Variants in PARVA observed in about 807,000 individuals in gnomAD.
PARVA encodes alpha-parvin.
A neutral mutation model predicts 52.6 loss-of-function variants in PARVA; 25 were observed. The ratio of observed to expected loss-of-function variants is 0.48; its 90% CI spans 0.35 to 0.66. The LOEUF is 0.66. Ranked by LOEUF, PARVA falls within the 30% of genes least tolerant of loss-of-function variation. The probability of loss-of-function intolerance (pLI) is 0.01; values close to 1 mark genes in which losing one functional copy is unlikely to be tolerated. For missense variants in PARVA, 373 were observed against 450.9 expected, an observed-to-expected ratio of 0.83 and a Z score of 1.56; for synonymous variants, 185 against 179.1, an observed-to-expected ratio of 1.03 and a Z score of -0.26.
intron 1 of PARVA, among the ~76,000 whole-genome samples, chr11:12,441,075 A>G (rs528944264): frequency 1.3e-5 from 2 of 152,284 alleles, no homozygotes; most frequent in Non-Finnish European, 2.9e-5. Context: ...ATTTTTAAAC[A>G]ATCTCCTTTA....
At chr11:12,407,876 T>A (rs1224564523) in intron 1 of PARVA, among the ~76,000 whole-genome samples, 1 of 152,202 alleles carries the variant, frequency 6.6e-6, no homozygotes, top group Non-Finnish European at 1.5e-5. Flanking sequence ...TGCCATCTGA[T>A]CCATCCTGCC....
chr11:12,516,479 T>C (rs898803341), intron 10 of PARVA, among the ~76,000 whole-genome samples: 2 of 151,942 alleles, frequency 1.3e-5, no homozygotes, highest in African/African-American at 4.8e-5. Context: ...GTATGCTCAC[T>C]TCACCCAGCC....
At chr11:12,499,441 T>A (rs1279509514) in intron 5 of PARVA, among the ~76,000 whole-genome samples, 1 of 152,056 alleles carries the variant, frequency 6.6e-6, no homozygotes, top group Admixed American at 6.5e-5. Context: ...TTCTTCCTTT[T>A]TTTTTTTTTC....
At chr11:12,511,414 G>A in intron 7 of PARVA, 100 bp from the exon 8 acceptor site, 1 of 1,281,630 alleles carries the variant, frequency 7.8e-7, no homozygotes, top group East Asian at 2.4e-5. Context: ...AGGCAGCATG[G>A]GGTGGGCTTC....
At chr11:12,446,245 A>G (rs1589960400) in intron 1 of PARVA, among the ~76,000 whole-genome samples, 1 of 152,230 alleles carries the variant, frequency 6.6e-6, no homozygotes, top group Non-Finnish European at 1.5e-5. Flanking sequence ...TGAGTAGACA[A>G]TTCACACAGC....
At chr11:12,471,563 G>T (rs1052551810) in intron 1 of PARVA, among the ~76,000 whole-genome samples, 11 of 147,246 alleles carry the variant, frequency 7.5e-5, no homozygotes, top group Non-Finnish European at 1.3e-4. Flanking sequence ...CAGCGACGTG[G>T]ATGGAGCTGG....
intron 4 of PARVA, among the ~76,000 whole-genome samples, chr11:12,490,478 C>T (rs1941220792): frequency 6.7e-6 from 1 of 150,126 alleles, no homozygotes; most frequent in African/African-American, 2.4e-5. Flanking sequence ...GATCGAGCCA[C>T]TGCACTCCAG....
intron 1 of PARVA, among the ~76,000 whole-genome samples, chr11:12,401,779 C>A (rs1237939141): frequency 6.6e-6 from 1 of 152,114 alleles, no homozygotes; most frequent in Admixed American, 6.6e-5. Flanking sequence ...TTAAAATAAT[C>A]AAGACAGCCT....
intron 4 of PARVA, chr11:12,479,759 A>G (rs1941061848): frequency 6.6e-6 from 1 of 152,268 alleles, no homozygotes; most frequent in African/African-American, 2.4e-5. Context: ...ATATCTGTAT[A>G]CATACATGTA....
chr11:12,408,233 A>G lies in PARVA; in HGVS notation c.136+30450A>G, dbSNP rs74853627. Among the ~76,000 whole-genome samples, 106 of 151,954 alleles carry G rather than the reference A, an allele frequency of 7.0e-4. 2 individuals are homozygous for G. In the East Asian group the frequency reaches 0.018, roughly 26 times the overall value. ...GCCCTGCAGCCTTTCCTGTCGCAGC[A>G]GTGAACCCAGGCTCATATGCCTCCT... On this transcript the variant is annotated intron_variant, in intron 1 of 12. Coordinates refer to ENST00000334956, the MANE Select transcript of PARVA (RefSeq NM_018222.5).
chr11:12,423,910 G>T (rs1038605782), intron 1 of PARVA, among the ~76,000 whole-genome samples: 2 of 152,028 alleles, frequency 1.3e-5, no homozygotes, highest in African/African-American at 2.4e-5. Context: ...ACATCCTCCT[G>T]CAATCTTCTT....
In PARVA at chr11:12,532,279, A is replaced by G. The variant is rs1040631720; in HGVS notation, c.*4354A>G. The stretch of plus-strand genomic sequence containing the variant: ...TAGATGAAAAAAAAAGTCACGTTTA[A>G]ATATGTTTAGGAAACATGAGGTGAA... On this transcript the variant is annotated 3_prime_UTR_variant, in exon 13 of 13. Transcript: ENST00000334956. Among the ~76,000 whole-genome samples the G allele has an allele frequency of 3.9e-5, 6 of 152,334 alleles. No homozygotes were observed. Among genetic ancestry groups the G allele is most frequent in the African/African-American group, 1.4e-4 (6 of 41,578 alleles).
At chr11:12,476,498 GAAAA>G (rs796285052) in intron 3 of PARVA, among the ~76,000 whole-genome samples, 1 of 143,092 alleles carries the variant, frequency 7.0e-6, no homozygotes, top group Non-Finnish European at 1.5e-5. Context: ...GCCTCAAAAG[GAAAA>G]AAAAAAAAGT....
intron 3 of PARVA, among the ~76,000 whole-genome samples, chr11:12,476,906 G>A (rs1453085306): frequency 6.6e-6 from 1 of 152,136 alleles, no homozygotes; most frequent in East Asian, 1.9e-4. Flanking sequence ...CACAAAGGAC[G>A]ATGTCCACTT....
chr11:12,414,620 T>C (rs1308919856), intron 1 of PARVA, among the ~76,000 whole-genome samples: 3 of 147,544 alleles, frequency 2.0e-5, no homozygotes, highest in Admixed American at 6.8e-5. Flanking sequence ...TCTTGTCTTA[T>C]GGCTGCTGAA....
At chr11:12,410,195 A>C (rs1331833703) in intron 1 of PARVA, among the ~76,000 whole-genome samples, 2 of 152,210 alleles carry the variant, frequency 1.3e-5, no homozygotes, top group Non-Finnish European at 2.9e-5. Context: ...TGGGCCACCC[A>C]GGCCCCCGGG....
rs1941804595 is a variant in PARVA, at chr11:12,533,959, G to A, written c.*6034G>A. 1.3e-5 allele frequency among the ~76,000 whole-genome samples: 2 copies of A among 152,062 alleles called. No individual in the cohort carries two copies. Among genetic ancestry groups the A allele is most frequent in the Admixed American group, 6.6e-5 (1 of 15,262 alleles). ...CGAGACGGACAGATCACAAGGTCAGGAGATTGAGACTATCCTGGCTAATAT... is the reference window on the plus strand; with the variant it reads ...CGAGACGGACAGATCACAAGGTCAGAAGATTGAGACTATCCTGGCTAATAT... On this transcript the variant is annotated 3_prime_UTR_variant, in exon 13 of 13. Transcript: ENST00000334956.
chr11:12,500,267 C>T (rs1175102877), intron 5 of PARVA, among the ~76,000 whole-genome samples: 1 of 152,146 alleles, frequency 6.6e-6, no homozygotes, highest in East Asian at 1.9e-4. Context: ...CTTGCAGCTG[C>T]GGTTCCCGGC....
intron 1 of PARVA, among the ~76,000 whole-genome samples, chr11:12,428,527 C>T (rs117379698): frequency 2.4e-4 from 37 of 152,268 alleles, no homozygotes; most frequent in African/African-American, 7.7e-4. Context: ...TCACAGATAC[C>T]GCTGTATCTA....
Sources: allele counts gnomAD v4.1 joint callset (sites outside exome capture counted in the v4.1 genomes callset), GRCh38; gene constraint gnomAD v4.1.1; transcripts MANE v1.5; gene names NCBI Gene and HGNC (gene_info 2026-07-23, HGNC 2026-07-21).